SUCLG1: variants seen among roughly 807,000 people sequenced by gnomAD.
SUCLG1 encodes the protein succinate--CoA ligase [ADP/GDP-forming] subunit alpha, mitochondrial.
A neutral mutation model predicts 37.3 loss-of-function variants in SUCLG1; 26 were observed. That is an observed-to-expected ratio of 0.70 (90% CI 0.51 to 0.97). The LOEUF is 0.97. SUCLG1 is among the 50% of genes least tolerant of loss of function. The pLI is 0.00. For synonymous variants in SUCLG1, 163 were observed against 155.6 expected, an observed-to-expected ratio of 1.05 and a Z score of -0.36; for missense variants, 433 against 432.9, an observed-to-expected ratio of 1.00 and a Z score of 0.00.
Position 84,459,178 on chromosome 2 carries a change from A to G in SUCLG1, c.92T>C (p.Phe31Ser). 1 of 1,549,628 alleles carries G rather than the reference A, an allele frequency of 6.5e-7. No homozygotes were observed. Residue 31 changes from phenylalanine (F) to serine (S), a missense_variant, in exon 1 of 9, where the codon TTC becomes TCC. Phe to Ser is a radical substitution (Grantham distance 155). Coordinates refer to ENST00000393868, the MANE Select transcript of SUCLG1 (RefSeq NM_003849.4). ...LAAARLLSRS[F>S]LLPQNGIRHC... is the part of the protein sequence containing the mutation. ...ACAGTACTGGCTGGACTCACGGAGGAAGCTGCGCGACAGGAGACGGGCGGC... is the reference window on the plus strand; with the variant it reads ...ACAGTACTGGCTGGACTCACGGAGGGAGCTGCGCGACAGGAGACGGGCGGC...
At chr2:84,457,115 A>G (rs1193420000) in intron 1 of SUCLG1, among the ~76,000 whole-genome samples, 1 of 152,198 alleles carries the variant, frequency 6.6e-6, no homozygotes, top group Non-Finnish European at 1.5e-5. Flanking sequence ...TAACAGAGGG[A>G]ACAAAATTCC....
intron 3 of SUCLG1, among the ~76,000 whole-genome samples, chr2:84,442,114 A>G (rs1056669646): frequency 2.0e-5 from 3 of 151,466 alleles, no homozygotes; most frequent in Non-Finnish European, 2.9e-5. Flanking sequence ...TGTCACAACT[A>G]TTTGTGTCAC....
intron 5 of SUCLG1, among the ~76,000 whole-genome samples, 165 bp downstream of exon 5, chr2:84,440,882 A>G (rs762541351): frequency 1.3e-4 from 20 of 152,268 alleles, no homozygotes; most frequent in Non-Finnish European, 2.4e-4. Context: ...AAATAAACTC[A>G]TTATATTCAA....
At chr2:84,434,368 T>C (rs917742221) in intron 5 of SUCLG1, among the ~76,000 whole-genome samples, 4 of 152,144 alleles carry the variant, frequency 2.6e-5, no homozygotes, top group Admixed American at 2.6e-4. Flanking sequence ...AAGGTCAAGA[T>C]CCCTCTGGAA....
intron 7 of SUCLG1, among the ~76,000 whole-genome samples, chr2:84,428,886 CA>C (rs1672575024): frequency 2.0e-5 from 3 of 152,192 alleles, no homozygotes; most frequent in Non-Finnish European, 2.9e-5. Context: ...AGAAGTCAGA[CA>C]AACCTGGGTA....
intron 7 of SUCLG1, among the ~76,000 whole-genome samples, chr2:84,427,957 T>C (rs1387336094): frequency 6.6e-6 from 1 of 152,228 alleles, no homozygotes; most frequent in East Asian, 1.9e-4. Context: ...TACATGGCAG[T>C]GAATGACTGC....
chr2:84,433,855 A>C (rs1672645560), intron 5 of SUCLG1: 1 of 212,182 alleles, frequency 4.7e-6, no homozygotes, highest in Admixed American at 5.3e-5. Flanking sequence ...CTCAGGTTGA[A>C]ATGTGATGCC....
chr2:84,425,728 G>GA, intron 7 of SUCLG1, 125 bp from the exon 8 acceptor site: 1 of 1,051,376 alleles, frequency 9.5e-7, no homozygotes, highest in Non-Finnish European at 1.5e-6. Flanking sequence ...ATTCATCTTA[G>GA]GAAAACCAAC....
At chr2:84,454,020 C>T (rs182503660) in intron 1 of SUCLG1, among the ~76,000 whole-genome samples, 3 of 152,272 alleles carry the variant, frequency 2.0e-5, no homozygotes, top group Non-Finnish European at 2.9e-5. Flanking sequence ...ATAACAGCTG[C>T]CCCTGGGAGG....
chr2:84,457,066 C>T (rs1673031941), intron 1 of SUCLG1, among the ~76,000 whole-genome samples: 1 of 152,190 alleles, frequency 6.6e-6, no homozygotes, highest in South Asian at 2.1e-4. Context: ...TATTGCAACA[C>T]TATGACCTTC....
At chr2:84,448,973 G>A (rs1188133513) in intron 2 of SUCLG1, 1 of 402,132 alleles carries the variant, frequency 2.5e-6, no homozygotes, top group South Asian at 1.9e-5. Flanking sequence ...GTAGGAAAAA[G>A]GAAAGAAGAT....
At chr2:84,454,246 A>G (rs930667538) in intron 1 of SUCLG1, among the ~76,000 whole-genome samples, 8 of 152,246 alleles carry the variant, frequency 5.3e-5, no homozygotes, top group Admixed American at 3.3e-4. Context: ...ATTTATAAAC[A>G]TACTAATCCA....
At chr2:84,453,428 T>TG (rs938384676) in intron 1 of SUCLG1, among the ~76,000 whole-genome samples, 3 of 151,646 alleles carry the variant, frequency 2.0e-5, no homozygotes, top group Admixed American at 2.0e-4. Context: ...ATTATTATTT[T>TG]TTTTGAGACG....
intron 7 of SUCLG1, among the ~76,000 whole-genome samples, chr2:84,427,930 C>CTT (rs1672558611): frequency 6.6e-6 from 1 of 152,042 alleles, no homozygotes. Context: ...CTTTTTTTTT[C>CTT]TTTGCACTGT....
intron 3 of SUCLG1, 183 bp downstream of exon 3, chr2:84,443,101 T>G: frequency 1.5e-6 from 1 of 655,048 alleles, no homozygotes; most frequent in Non-Finnish European, 2.8e-6. Context: ...CCTTAATAGC[T>G]GATTCATACC....
At chr2:84,432,778 C>T (rs1672630216) in intron 6 of SUCLG1, 1 of 152,204 alleles carries the variant, frequency 6.6e-6, no homozygotes, top group East Asian at 1.9e-4. Context: ...TTTGCCTTGG[C>T]TTTTGGCAAC....
At chr2:84,446,180 A>G (rs1389952350) in intron 2 of SUCLG1, among the ~76,000 whole-genome samples, 1 of 152,220 alleles carries the variant, frequency 6.6e-6, no homozygotes, top group Non-Finnish European at 1.5e-5. Flanking sequence ...CACCAGGACT[A>G]CACACACTCC....
intron 8 of SUCLG1, among the ~76,000 whole-genome samples, chr2:84,424,132 C>T (rs796773013): frequency 3.5e-4 from 54 of 152,276 alleles, no homozygotes; most frequent in African/African-American, 1.3e-3. Flanking sequence ...TATACATGAA[C>T]CCTTCTAAGA....
chr2:84,450,695 T>C (rs748081143), intron 1 of SUCLG1, among the ~76,000 whole-genome samples: 7 of 152,132 alleles, frequency 4.6e-5, no homozygotes, highest in Non-Finnish European at 1.0e-4. Context: ...GTAATCTCTA[T>C]TGAACAACAA....
Sources: allele counts gnomAD v4.1 joint callset (sites outside exome capture counted in the v4.1 genomes callset), GRCh38; gene constraint gnomAD v4.1.1; transcripts MANE v1.5; gene names NCBI Gene and HGNC (gene_info 2026-07-23, HGNC 2026-07-21).